ZBTB45: variants seen among roughly 807,000 people sequenced by gnomAD.
ZBTB45 encodes zinc finger and BTB domain-containing protein 45.
A neutral mutation model predicts 28.4 loss-of-function variants in ZBTB45; 22 were observed. The observed-to-expected ratio is 0.77, with a 90% CI of 0.55 to 1.10. The LOEUF (loss-of-function observed/expected upper bound fraction) is 1.10, where lower values mean the gene tolerates loss of function less well. Among genes scored for constraint, ZBTB45 ranks in the 50% least tolerant of loss-of-function variants. ZBTB45 has a pLI of 0.00. For missense variants in ZBTB45, 656 were observed against 750.2 expected (o/e 0.87, Z 1.47); for synonymous variants, 361 against 332.3 (o/e 1.09, Z -0.94).
intron 1 of ZBTB45, among the ~76,000 whole-genome samples, chr19:58,529,230 A>G (rs914806883): frequency 1.3e-5 from 2 of 152,178 alleles, no homozygotes; most frequent in Non-Finnish European, 2.9e-5. Context: ...GCTTGATCCC[A>G]GGAATATGAG....
At chr19:58,517,728 C>T in intron 1 of ZBTB45, 55 bp from the exon 2 acceptor site, 1 of 1,523,974 alleles carries the variant, frequency 6.6e-7, no homozygotes, top group Non-Finnish European at 9.0e-7. Flanking sequence ...CCCATCTGTC[C>T]CAACGTCCCT....
At chr19:58,521,988 CA>C (rs2053581296), upstream of ZBTB45, among the ~76,000 whole-genome samples, 7 of 151,998 alleles carry the variant, frequency 4.6e-5, no homozygotes, top group South Asian at 1.0e-3. Context: ...ATTTGGAGGT[CA>C]GGGGGAGGAA....
chr19:58,525,872 G>A (rs992043008), intron 1 of ZBTB45, among the ~76,000 whole-genome samples: 12 of 152,206 alleles, frequency 7.9e-5, no homozygotes, highest in African/African-American at 2.7e-4. Flanking sequence ...TGCCACAGGC[G>A]CTTTGCCAGA....
intron 1 of ZBTB45, among the ~76,000 whole-genome samples, chr19:58,527,755 C>T (rs1480741253): frequency 2.0e-5 from 3 of 152,116 alleles, no homozygotes; most frequent in Non-Finnish European, 4.4e-5. Context: ...AGACTTGCCA[C>T]ACCCTGACTT....
chr19:58,521,079 AAAAG>A (rs1238278083), upstream of ZBTB45, among the ~76,000 whole-genome samples: 388 of 76,868 alleles, frequency 5.0e-3, 24 homozygotes, highest in South Asian at 7.8e-3. Flanking sequence ...AAAAAAAAAA[AAAAG>A]GCCGGGCGCG....
rs771958611 is a variant in ZBTB45 at position 58,517,298 on chromosome 19, G to A, written c.376C>T (p.Arg126Ter). ...DECTQIIARARAPGTSAPTPL... is the reference protein window; with the variant it reads ...DECTQIIARA ...GTGGGCGCAGAGGTGCCCGGGGCTC[G>A]AGCGCGGGCGATAATCTGCGTGCAT... The change falls in exon 2 of 3, where the codon CGA becomes TGA. Residue 126 changes from arginine (R) to a stop codon, truncating the protein, a stop_gained. Coordinates refer to ENST00000594051, the MANE Select transcript of ZBTB45 (RefSeq NM_001316979.2). LOFTEE classifies it high-confidence loss of function. The A allele has an allele frequency of 8.1e-6, 13 of 1,602,936 alleles. No individual in the cohort carries two copies. The highest frequency in any genetic ancestry group is 1.3e-5 in the African/African-American group (1 of 74,848).
At chr19:58,526,398 C>T (rs553811540) in intron 1 of ZBTB45, among the ~76,000 whole-genome samples, 3 of 151,490 alleles carry the variant, frequency 2.0e-5, no homozygotes, top group South Asian at 2.1e-4. Flanking sequence ...TTAGTGGAGA[C>T]GGGGTTTCAC....
intron 1 of ZBTB45, among the ~76,000 whole-genome samples, chr19:58,535,100 T>C (rs1271701900): frequency 6.6e-6 from 1 of 151,282 alleles, no homozygotes; most frequent in Non-Finnish European, 1.5e-5. Context: ...CTCGAACTCC[T>C]GACCTCATGA....
Position 58,516,086 on chromosome 19 carries a change from C to T in ZBTB45, c.1279+309G>A, listed in dbSNP as rs118098469. Among the ~76,000 whole-genome samples, 2,430 of 152,230 alleles carry T rather than the reference C, an allele frequency of 0.016. 35 individuals are homozygous for T. Among genetic ancestry groups the T allele is most frequent in the Non-Finnish European group, 0.024 (1,637 of 68,000 alleles). ...CCTGCCAGGACCTCCTGCCAAGGCT[C>T]CATACCCATCATGTGCATCCCAGGC... On this transcript the variant is annotated intron_variant, in intron 2 of 2. Transcript: ENST00000594051. This position sits in a 1 kb window ranked among gnomAD's most constrained non-coding sequence, Gnocchi z 6.2.
At chr19:58,519,948 A>G (rs2053564290), upstream of ZBTB45, 1 of 152,420 alleles carries the variant, frequency 6.6e-6, no homozygotes, top group Non-Finnish European at 1.5e-5. Context: ...CTTAGTCGGA[A>G]CCAAAGTCGA....
At chr19:58,525,151 C>T (rs1180699235) in intron 1 of ZBTB45, among the ~76,000 whole-genome samples, 1 of 152,148 alleles carries the variant, frequency 6.6e-6, no homozygotes, top group Non-Finnish European at 1.5e-5. Context: ...ATCCCAACCT[C>T]CCTCCACCCT....
At chr19:58,533,290 C>T (rs1287779479) in intron 1 of ZBTB45, among the ~76,000 whole-genome samples, 2 of 152,222 alleles carry the variant, frequency 1.3e-5, no homozygotes, top group Non-Finnish European at 2.9e-5. Context: ...ATCAGGACAT[C>T]ATCTAACCCT....
intron 1 of ZBTB45, among the ~76,000 whole-genome samples, chr19:58,532,621 A>T (rs189137203): frequency 5.9e-5 from 9 of 152,168 alleles, no homozygotes; most frequent in African/African-American, 7.2e-5. Context: ...ATCTCAGCTC[A>T]CTGCAACCTC....
chr19:58,526,539 T>A (rs1222425049), intron 1 of ZBTB45, among the ~76,000 whole-genome samples: 10 of 136,046 alleles, frequency 7.4e-5, no homozygotes, highest in East Asian at 2.1e-4. Flanking sequence ...TTTTTTTTTT[T>A]TTTTTTTTTT....
intron 1 of ZBTB45, among the ~76,000 whole-genome samples, chr19:58,537,871 C>G (rs550688843): frequency 6.7e-6 from 1 of 148,394 alleles, no homozygotes; most frequent in South Asian, 2.1e-4. Context: ...GAGTTTCACT[C>G]TTGTTGCCCA....
At chr19:58,518,829 GTC>G (rs1476165563) in intron 1 of ZBTB45, among the ~76,000 whole-genome samples, 1 of 152,140 alleles carries the variant, frequency 6.6e-6, no homozygotes, top group Non-Finnish European at 1.5e-5. Flanking sequence ...CCACCAGCCT[GTC>G]TCTCCCTTGG....
upstream of ZBTB45, among the ~76,000 whole-genome samples, chr19:58,523,403 G>C (rs368228656): frequency 1.3e-4 from 20 of 151,536 alleles, no homozygotes; most frequent in South Asian, 4.2e-3. Flanking sequence ...AAAATTGGCC[G>C]AGCACGGTGG....
chr19:58,535,312 A>AT (rs559233438), intron 1 of ZBTB45, among the ~76,000 whole-genome samples: 31 of 151,764 alleles, frequency 2.0e-4, no homozygotes, highest in Middle Eastern at 3.4e-3. Context: ...GGCCTGTTTG[A>AT]TTTTTTTGAA....
chr19:58,514,546 C>T (rs2053465516), intron 2 of ZBTB45, among the ~76,000 whole-genome samples: 1 of 152,082 alleles, frequency 6.6e-6, no homozygotes, highest in Non-Finnish European at 1.5e-5. Context: ...CTTTCCTGCC[C>T]AACAGGGATC....
Sources: gnomAD v4.1 joint callset for allele counts (sites outside exome capture counted in the v4.1 genomes callset) on GRCh38, gnomAD v4.1.1 for gene constraint, Gnocchi (gnomAD v3.1) non-coding constraint, MANE v1.5 for transcripts, NCBI Gene and HGNC (gene_info 2026-07-23, HGNC 2026-07-21) for gene names.